ATXN7: variants seen among roughly 807,000 people sequenced by gnomAD.
ATXN7 encodes the protein ataxin-7.
Under a neutral mutation model 70.5 loss-of-function variants are expected in ATXN7, and 12 were observed. The ratio of observed to expected loss-of-function variants is 0.17; its 90% CI spans 0.11 to 0.28. The LOEUF is 0.28. Among genes scored for constraint, ATXN7 ranks in the 10% least tolerant of loss-of-function variants. The pLI is 1.00. For synonymous variants in ATXN7, 498 were observed against 448.7 expected (o/e 1.11, Z -1.39); for missense variants, 1,256 against 1,131.7 (o/e 1.11, Z -1.58).
chr3:64,001,537 G>A lies in ATXN7; in HGVS notation c.*2070G>A, dbSNP rs1019787343. ...CCTTTAGCAATGGAATTTACAGATC[G>A]ATCATGTTGTTCCGAAAGATGTGAA... On this transcript the variant is annotated 3_prime_UTR_variant, in exon 13 of 13. Transcript: ENST00000674280. 2.6e-5 allele frequency: 4 copies of A among 152,202 alleles called. No homozygotes were observed. The highest frequency in any genetic ancestry group is 2.6e-4 in the Admixed American group (4 of 15,286). The allele number at this position is 152,202 out of a possible 1,614,324, so 9.4% of individuals were successfully genotyped here.
chr3:63,987,730 G>C (rs538716908), intron 8 of ATXN7, among the ~76,000 whole-genome samples: 7 of 152,208 alleles, frequency 4.6e-5, no homozygotes, highest in African/African-American at 1.7e-4. Context: ...CCAAATTGCT[G>C]TTGTGTCACA....
In ATXN7 at chr3:64,000,795, A is replaced by G. The variant is rs1048218638; in HGVS notation, c.*1328A>G. On this transcript the variant is annotated 3_prime_UTR_variant, in exon 13 of 13. Coordinates refer to ENST00000674280, the MANE Select transcript of ATXN7 (RefSeq NM_001377405.1). ...TGGAGCCCTCTAGGATATTTTTTCTAGTACCCCACCCCCCACCCCTAAAGA... is the reference window on the plus strand; with the variant it reads ...TGGAGCCCTCTAGGATATTTTTTCTGGTACCCCACCCCCCACCCCTAAAGA... 1.4e-5 allele frequency: 2 copies of G among 140,762 alleles called. No homozygotes were observed. Among genetic ancestry groups the G allele is most frequent in the African/African-American group, 2.6e-5 (1 of 38,392 alleles). The allele number at this position is 140,762 out of a possible 1,614,324, so 8.7% of individuals were successfully genotyped here.
At chr3:63,903,675 G>T (rs1343343003) in intron 2 of ATXN7, 10 of 152,160 alleles carry the variant, frequency 6.6e-5, no homozygotes, top group Non-Finnish European at 2.9e-5. Context: ...AGCTGATGAG[G>T]TAGATATTAT....
intron 1 of ATXN7, among the ~76,000 whole-genome samples, chr3:63,868,296 AC>A (rs1702494055): frequency 6.6e-6 from 1 of 152,108 alleles, no homozygotes; most frequent in African/African-American, 2.4e-5. Flanking sequence ...TCCTTTATTC[AC>A]TGTAGCTACT....
intron 5 of ATXN7, among the ~76,000 whole-genome samples, chr3:63,958,487 C>T (rs1412549991): frequency 6.6e-6 from 1 of 152,136 alleles, no homozygotes; most frequent in Non-Finnish European, 1.5e-5. Context: ...TTCTGACCAG[C>T]AATTGCCATC....
intron 5 of ATXN7, among the ~76,000 whole-genome samples, chr3:63,977,734 G>A (rs1004810435): frequency 1.3e-5 from 2 of 152,154 alleles, no homozygotes; most frequent in Non-Finnish European, 2.9e-5. Context: ...GAAGCAGTAG[G>A]AGAGTAGGAA....
Position 63,891,949 on chromosome 3 carries a change from C to A in ATXN7, c.-110-6450C>A, listed in dbSNP as rs151294864. The stretch of plus-strand genomic sequence containing the variant: ...TTTATCCCACTAGCCACTGCCCTTA[C>A]TGTCAGTCATTTGGTAAGTGACCTT... On this transcript the variant is annotated intron_variant, in intron 1 of 12. Transcript: ENST00000674280. Among the ~76,000 whole-genome samples the A allele has an allele frequency of 5.3e-3, 811 of 152,310 alleles. 9 individuals are homozygous for A. The highest frequency in any genetic ancestry group is 0.018 in the African/African-American group (747 of 41,578).
At chr3:63,921,144 C>G (rs892429930) in intron 4 of ATXN7, among the ~76,000 whole-genome samples, 1 of 152,164 alleles carries the variant, frequency 6.6e-6, no homozygotes, top group Non-Finnish European at 1.5e-5. Flanking sequence ...TATTCTTGTT[C>G]TTCTTTGTAA....
chr3:63,912,986 C>G (rs1192579219), intron 3 of ATXN7, 63 bp downstream of exon 3: 5 of 1,239,658 alleles, frequency 4.0e-6, no homozygotes, highest in Non-Finnish European at 5.5e-6. Context: ...CTCCTCCCCT[C>G]CCCCCTGCCC....
At chr3:63,987,674 G>A (rs1428191193) in intron 8 of ATXN7, among the ~76,000 whole-genome samples, 1 of 152,062 alleles carries the variant, frequency 6.6e-6, no homozygotes, top group African/African-American at 2.4e-5. Flanking sequence ...AATTTTAAAT[G>A]GTCCAAAGAG....
chr3:63,973,701 GGAGGGTGA>G (rs2075350906), intron 5 of ATXN7, among the ~76,000 whole-genome samples: 1 of 151,968 alleles, frequency 6.6e-6, no homozygotes, highest in Admixed American at 6.5e-5. Context: ...GTGGAACATT[GGAGGGTGA>G]GAAGAGTGGA....
intron 4 of ATXN7, among the ~76,000 whole-genome samples, chr3:63,927,658 A>G (rs1193889327): frequency 1.3e-5 from 2 of 152,202 alleles, no homozygotes; most frequent in Non-Finnish European, 2.9e-5. Context: ...CCTCTGTTAC[A>G]TCACCAGGGT....
intron 11 of ATXN7, chr3:63,991,122 A>G (rs1307074499): frequency 2.0e-5 from 9 of 452,006 alleles, no homozygotes; most frequent in Non-Finnish European, 3.6e-5. Flanking sequence ...GTAAGGGGAG[A>G]AAAAAACTAG....
chr3:63,929,566 C>A (rs891315358), intron 4 of ATXN7, among the ~76,000 whole-genome samples: 1 of 152,138 alleles, frequency 6.6e-6, no homozygotes, highest in African/African-American at 2.4e-5. Flanking sequence ...CCACTGCGCC[C>A]GGCCTGCCTT....
rs57391192 is a variant in ATXN7 at position 63,884,203 on chromosome 3, GCACACACACACACA to G, written c.-110-14171_-110-14158del. Among the ~76,000 whole-genome samples the G allele has an allele frequency of 5.9e-3, 846 of 143,022 alleles. 10 individuals are homozygous for G. The highest frequency in any genetic ancestry group is 0.02 in the African/African-American group (782 of 38,316). 93.8% of individuals were successfully genotyped at this position (143,022 alleles called of 152,430 possible). ...TCCAGAAAGTAAGAAAATAACATGCGCACACACACACACACACACACACACACACACACACACAT... is the reference window on the plus strand; with the variant it reads ...TCCAGAAAGTAAGAAAATAACATGCGCACACACACACACACACACACACAT... On this transcript the variant is annotated intron_variant, in intron 1 of 12. Coordinates refer to ENST00000674280, the MANE Select transcript of ATXN7 (RefSeq NM_001377405.1).
chr3:63,869,092 G>A (rs1257322634), intron 1 of ATXN7, among the ~76,000 whole-genome samples: 1 of 152,160 alleles, frequency 6.6e-6, no homozygotes, highest in African/African-American at 2.4e-5. Context: ...AAATAAACTT[G>A]CTTCTACTAT....
intron 5 of ATXN7, among the ~76,000 whole-genome samples, chr3:63,952,835 C>CGTTTTTTTTT (rs2074976808): frequency 2.0e-5 from 1 of 49,164 alleles, no homozygotes; most frequent in Non-Finnish European, 3.6e-5. Flanking sequence ...ATGCATGGGC[C>CGTTTTTTTTT]TTTTTTTTTT....
Position 63,988,163 on chromosome 3 carries a change from C to T in ATXN7, c.1200C>T (p.Arg400=), listed in dbSNP as rs1575993541. 2 of 1,614,016 alleles carry T rather than the reference C, an allele frequency of 1.2e-6. No individual in the cohort carries two copies. The highest frequency in any genetic ancestry group is 1.6e-4 in the Middle Eastern group (1 of 6,062). ...KNKTREKELI[R]HPDSQQPPQP... Reference sequence around the variant, plus strand: ...AAACCAGGGAAAAGGAATTGATTCGCCATCCGGACTCTCAGCAACCACCGC... The same window carrying T: ...AAACCAGGGAAAAGGAATTGATTCGTCATCCGGACTCTCAGCAACCACCGC... Residue 400 remains arginine (R), a synonymous_variant, in exon 9 of 13, where the codon CGC becomes CGT. Coordinates refer to ENST00000674280, the MANE Select transcript of ATXN7 (RefSeq NM_001377405.1).
intron 2 of ATXN7, among the ~76,000 whole-genome samples, chr3:63,906,512 G>A (rs778516838): frequency 6.6e-6 from 1 of 152,232 alleles, no homozygotes; most frequent in South Asian, 2.1e-4. Context: ...GCAAACTGTT[G>A]ATCTCTGGGA....
Sources: gnomAD v4.1 joint callset for allele counts (sites outside exome capture counted in the v4.1 genomes callset) on GRCh38, gnomAD v4.1.1 for gene constraint, MANE v1.5 for transcripts, NCBI Gene and HGNC (gene_info 2026-07-23, HGNC 2026-07-21) for gene names.